The following GREB1 variants were observed in gnomAD, a reference collection of about 807,000 sequenced individuals.
GREB1 encodes growth regulating estrogen receptor binding 1.
Under a neutral mutation model 200.7 loss-of-function variants are expected in GREB1, and 106 were observed. That is an observed-to-expected ratio of 0.53 (90% CI 0.45 to 0.62). The LOEUF (loss-of-function observed/expected upper bound fraction) is 0.62, where lower values mean the gene tolerates loss of function less well. Among genes scored for constraint, GREB1 ranks in the 20% least tolerant of loss-of-function variants. The pLI is 0.00. For missense variants in GREB1, 2,243 were observed against 2,556.8 expected (o/e 0.88, Z 2.65); for synonymous variants, 1,132 against 1,092.4 (o/e 1.04, Z -0.72).
At chr2:11,635,119 C>A in intron 29 of GREB1, 151 bp from the exon 30 acceptor site, 1 of 828,218 alleles carries the variant, frequency 1.2e-6, no homozygotes, top group East Asian at 2.6e-5. Flanking sequence ...TCATATTTCC[C>A]CTAGAGTAAG....
intron 17 of GREB1, among the ~76,000 whole-genome samples, chr2:11,602,896 C>T (rs1212105927): frequency 1.3e-5 from 2 of 152,132 alleles, no homozygotes; most frequent in Non-Finnish European, 2.9e-5. Context: ...TTTTTATTTC[C>T]GATGCATATC....
chr2:11,575,824 G>A (rs1678791721), intron 4 of GREB1, among the ~76,000 whole-genome samples: 1 of 152,222 alleles, frequency 6.6e-6, no homozygotes, highest in Non-Finnish European at 1.5e-5. Context: ...CATTTCAGGT[G>A]CCTGATCTGT....
chr2:11,607,609 T>TATACATATAC (rs1682508344), intron 17 of GREB1, among the ~76,000 whole-genome samples: 1 of 16,736 alleles, frequency 6.0e-5, no homozygotes, highest in Non-Finnish European at 1.3e-4. Flanking sequence ...TATACATATA[T>TATACATATAC]ACACATATAT....
intron 18 of GREB1, 150 bp from the exon 19 acceptor site, chr2:11,612,345 G>T: frequency 7.2e-7 from 1 of 1,397,684 alleles, no homozygotes; most frequent in Non-Finnish European, 9.4e-7. Context: ...TGGATGGTGT[G>T]CTTATTTGCA....
chr2:11,485,389 T>G (rs907436688), intron 1 of GREB1, among the ~76,000 whole-genome samples: 2 of 151,954 alleles, frequency 1.3e-5, no homozygotes, highest in Admixed American at 6.6e-5. Flanking sequence ...TTCTTGTGCC[T>G]CAGCCTCCTG....
At chr2:11,632,601 C>T (rs551236973) in intron 27 of GREB1, among the ~76,000 whole-genome samples, 2 of 152,292 alleles carry the variant, frequency 1.3e-5, no homozygotes, top group African/African-American at 4.8e-5. Context: ...GCCCCCCAAA[C>T]TGCTGGGATT....
rs571103782 is a variant in GREB1 at position 11,553,327 on chromosome 2, C to T, written c.-161-3127C>T. ...CAGCCTGGGCAACATGGTGAAACCCCGTCTCTACAAAGAATGTGAAAATTA... is the reference window on the plus strand; with the variant it reads ...CAGCCTGGGCAACATGGTGAAACCCTGTCTCTACAAAGAATGTGAAAATTA... On this transcript the variant is annotated intron_variant, in intron 1 of 32. Coordinates refer to ENST00000381486, the MANE Select transcript of GREB1 (RefSeq NM_014668.4). 4.6e-5 allele frequency among the ~76,000 whole-genome samples: 7 copies of T among 152,012 alleles called. No homozygotes were observed. The South Asian group carries it at 1.0e-3, about 23-fold the overall frequency.
chr2:11,575,156 C>A (rs1295744421), intron 4 of GREB1, among the ~76,000 whole-genome samples: 1 of 152,326 alleles, frequency 6.6e-6, no homozygotes, highest in African/African-American at 2.4e-5. Context: ...GTGGCCCTCA[C>A]GGCCTAAGGC....
At chr2:11,512,459 C>T (rs186374127) in intron 1 of GREB1, among the ~76,000 whole-genome samples, 8 of 152,274 alleles carry the variant, frequency 5.3e-5, no homozygotes, top group African/African-American at 1.7e-4. Flanking sequence ...ATGAATGCAA[C>T]GGGTGTGATT....
chr2:11,516,590 G>A (rs913531967), intron 1 of GREB1, among the ~76,000 whole-genome samples: 1 of 152,160 alleles, frequency 6.6e-6, no homozygotes, highest in South Asian at 2.1e-4. Flanking sequence ...TGTAGTTGAC[G>A]TAGGAGTCAG....
intron 1 of GREB1, among the ~76,000 whole-genome samples, chr2:11,555,043 C>T (rs1676298466): frequency 6.6e-6 from 1 of 152,154 alleles, no homozygotes; most frequent in Non-Finnish European, 1.5e-5. Flanking sequence ...CATACTAAAC[C>T]TTGTACCATA....
At chr2:11,520,964 C>G (rs915833529) in intron 1 of GREB1, among the ~76,000 whole-genome samples, 1 of 152,130 alleles carries the variant, frequency 6.6e-6, no homozygotes, top group South Asian at 2.1e-4. Flanking sequence ...TAGCAGGGGG[C>G]GTCTGGGATC....
At chr2:11,500,795 A>G (rs1198081822) in intron 1 of GREB1, among the ~76,000 whole-genome samples, 1 of 152,204 alleles carries the variant, frequency 6.6e-6, no homozygotes, top group Non-Finnish European at 1.5e-5. Context: ...GACTTTACAT[A>G]TTGACAGCAG....
Position 11,637,878 on chromosome 2 carries a change from G to C in GREB1, c.5509G>C (p.Val1837Leu), listed in dbSNP as rs763585284. The C allele has an allele frequency of 6.2e-7, 1 of 1,614,054 alleles. No individual in the cohort carries two copies. Among genetic ancestry groups the C allele is most frequent in the East Asian group, 2.2e-5 (1 of 44,890 alleles). The change falls in exon 31 of 33, where the codon GTG (valine) becomes CTG (leucine). Residue 1837 changes from valine (V) to leucine (L), a missense_variant. By Grantham distance (32) the Val-to-Leu change is conservative. This residue lies in a region of GREB1 where 478 missense variants were observed against 616.3 expected (regional missense o/e 0.78). Transcript: ENST00000381486. Reference protein sequence around the residue: ...PLSLKNHDHPVLSVDCYLNLG... With the variant: ...PLSLKNHDHPLLSVDCYLNLG... ...GTCCCTGAAGAACCATGACCACCCA[G>C]TGCTGTCTGTCGACTGTTACCTGAA...
At chr2:11,564,932 TC>T (rs1472206804) in intron 3 of GREB1, among the ~76,000 whole-genome samples, 1 of 151,962 alleles carries the variant, frequency 6.6e-6, no homozygotes, top group Non-Finnish European at 1.5e-5. Context: ...GTGGGGAAAC[TC>T]CCCTTTTAAA....
chr2:11,636,497 C>T (rs899910266), intron 30 of GREB1, among the ~76,000 whole-genome samples: 3 of 152,194 alleles, frequency 2.0e-5, no homozygotes, highest in African/African-American at 7.2e-5. Context: ...GCATTGTTTT[C>T]ATTTATTCAC....
Position 11,632,097 on chromosome 2 carries a change from C to T in GREB1, c.4800C>T (p.Phe1600=). ...NHIMLVLPSI[F]NSAGVGAAHF... is the part of the protein sequence containing the mutation. The stretch of plus-strand genomic sequence containing the variant: ...TCATGCTGGTGCTCCCCAGTATCTT[C>T]AACAGTGCTGGAGTTGGTGAGTGTC... The change falls in exon 27 of 33, where the codon TTC becomes TTT. Residue 1600 remains phenylalanine (F), a synonymous_variant. Transcript: ENST00000381486. 6.2e-7 allele frequency: 1 copy of T among 1,612,706 alleles called. No individual in the cohort carries two copies. The highest frequency in any genetic ancestry group is 8.5e-7 in the Non-Finnish European group (1 of 1,178,704).
intron 1 of GREB1, among the ~76,000 whole-genome samples, chr2:11,524,051 T>TCACACACA (rs144358585): frequency 1.8e-4 from 27 of 150,380 alleles, no homozygotes; most frequent in African/African-American, 6.3e-4. Context: ...GCATGCACAC[T>TCACACACA]CACACACACA....
At position 11,618,526 on chromosome 2, in the gene GREB1, G is replaced by A. The variant is rs377289689; in HGVS notation, c.3651G>A (p.Ser1217=). The change falls in exon 22 of 33, where the codon TCG becomes TCA. Residue 1217 remains serine, a synonymous_variant. Coordinates refer to ENST00000381486, the MANE Select transcript of GREB1 (RefSeq NM_014668.4). ...GQRSVQVSVT[S]SCSQLSSSSG... The stretch of plus-strand genomic sequence containing the variant: ...GGAGCGTCCAGGTGTCGGTCACCTC[G>A]TCGTGCTCCCAGCTGTCCTCCTCCT... 2.2e-5 allele frequency: 36 copies of A among 1,612,182 alleles called. No individual in the cohort carries two copies. Among genetic ancestry groups the A allele is most frequent in the Middle Eastern group, 1.6e-4 (1 of 6,082 alleles).
Sources: allele counts gnomAD v4.1 joint callset (sites outside exome capture counted in the v4.1 genomes callset), GRCh38; gene constraint gnomAD v4.1.1; regional missense constraint gnomAD v4.1.1; transcripts MANE v1.5; gene names NCBI Gene and HGNC (gene_info 2026-07-23, HGNC 2026-07-21).